Variants in MRPS28 observed in about 807,000 individuals in gnomAD.
MRPS28 encodes the protein small ribosomal subunit protein bS1m.
A neutral mutation model predicts 10.8 loss-of-function variants in MRPS28; 7 were observed. The observed-to-expected ratio is 0.65, with a 90% CI of 0.37 to 1.22. MRPS28 has a LOEUF of 1.22. Among genes scored for constraint, MRPS28 ranks in the 50% most tolerant of loss-of-function variants. The pLI is 0.02. For missense variants in MRPS28, 265 were observed against 232.9 expected (o/e 1.14, Z -0.90); for synonymous variants, 121 against 93.3 (o/e 1.30, Z -1.71).
chr8:79,925,850 G>A (rs1248584457), intron 2 of MRPS28, among the ~76,000 whole-genome samples: 4 of 152,042 alleles, frequency 2.6e-5, no homozygotes, highest in African/African-American at 9.7e-5. Flanking sequence ...AGCTAGGCAT[G>A]GTGGCAGGCG....
At chr8:80,005,328 T>C (rs1322573643) in intron 1 of MRPS28, among the ~76,000 whole-genome samples, 2 of 152,146 alleles carry the variant, frequency 1.3e-5, no homozygotes, top group African/African-American at 4.8e-5. Context: ...TGGGGGCCAA[T>C]ATTCAACATT....
intron 2 of MRPS28, among the ~76,000 whole-genome samples, chr8:79,974,198 G>C (rs1286716969): frequency 1.3e-5 from 2 of 152,070 alleles, no homozygotes; most frequent in African/African-American, 4.8e-5. Context: ...AGAAAGAACA[G>C]TTTATATCAT....
chr8:79,965,123 T>C (rs760004863), intron 2 of MRPS28, among the ~76,000 whole-genome samples: 5 of 152,076 alleles, frequency 3.3e-5, no homozygotes, highest in Non-Finnish European at 7.4e-5. Context: ...TTTAAATCAA[T>C]CTACAGCCTA....
chr8:80,009,761 TG>T (rs1808980232), intron 1 of MRPS28, among the ~76,000 whole-genome samples: 1 of 150,804 alleles, frequency 6.6e-6, no homozygotes, highest in African/African-American at 2.4e-5. Context: ...GAGAATGGGG[TG>T]GGGGGTGGTT....
intron 1 of MRPS28, 111 bp downstream of exon 1, chr8:80,029,925 C>A (rs902038356): frequency 1.2e-5 from 19 of 1,535,078 alleles, no homozygotes; most frequent in Non-Finnish European, 1.5e-5. Context: ...GAAAACTGGG[C>A]CCCGGACCTC....
At chr8:79,933,091 A>T (rs1806508688) in intron 2 of MRPS28, among the ~76,000 whole-genome samples, 1 of 152,110 alleles carries the variant, frequency 6.6e-6, no homozygotes, top group Admixed American at 6.6e-5. Flanking sequence ...AACAATGTGT[A>T]CTCCTACATT....
rs561728448 is a variant in MRPS28 at position 80,001,063 on chromosome 8, C to T, written c.395+1936G>A. On this transcript the variant is annotated intron_variant, in intron 2 of 2. Coordinates refer to ENST00000276585, the MANE Select transcript of MRPS28 (RefSeq NM_014018.3). ...ACTAGTATTTGTAATTTATAATAAA[C>T]TTGACTAAGCAGTTGAACATCTGCT... Among the ~76,000 whole-genome samples, 149 of 152,292 alleles carry T rather than the reference C, an allele frequency of 9.8e-4. 1 individual carries two copies. The highest frequency in any genetic ancestry group is 1.7e-3 in the Admixed American group (26 of 15,292).
At chr8:79,943,913 CA>C (rs905827264) in intron 2 of MRPS28, among the ~76,000 whole-genome samples, 4 of 151,394 alleles carry the variant, frequency 2.6e-5, no homozygotes, top group African/African-American at 9.7e-5. Context: ...GTGATGTGAG[CA>C]AAAAAAACAA....
chr8:79,950,575 C>A (rs1310313965), intron 2 of MRPS28, among the ~76,000 whole-genome samples: 1 of 152,078 alleles, frequency 6.6e-6, no homozygotes, highest in Non-Finnish European at 1.5e-5. Context: ...CACACAAGCA[C>A]AATTACAAAA....
chr8:79,945,422 T>C (rs1031997633), intron 2 of MRPS28, among the ~76,000 whole-genome samples: 27 of 152,132 alleles, frequency 1.8e-4, no homozygotes, highest in Admixed American at 6.5e-5. Flanking sequence ...AAAGAAGATA[T>C]ATTCAACAAA....
intron 2 of MRPS28, among the ~76,000 whole-genome samples, chr8:79,985,374 G>C (rs1050833596): frequency 3.3e-5 from 5 of 152,096 alleles, no homozygotes; most frequent in Non-Finnish European, 7.4e-5. Flanking sequence ...AACTAAAAAA[G>C]CAAGAGCAAA....
At chr8:80,017,804 T>C (rs1809235140) in intron 1 of MRPS28, among the ~76,000 whole-genome samples, 2 of 152,176 alleles carry the variant, frequency 1.3e-5, no homozygotes, top group African/African-American at 4.8e-5. Context: ...TACAGACCAA[T>C]ATTTCTCATG....
In MRPS28 at chr8:79,973,150, A is replaced by G. The variant is rs140643924; in HGVS notation, c.395+29849T>C. On this transcript the variant is annotated intron_variant, in intron 2 of 2. Coordinates refer to ENST00000276585, the MANE Select transcript of MRPS28 (RefSeq NM_014018.3). Reference sequence around the variant, plus strand: ...GGGCTTATGATAAGCAATTTGGGGAACAACAACTTTATACACAATGCAGTC... The same window carrying G: ...GGGCTTATGATAAGCAATTTGGGGAGCAACAACTTTATACACAATGCAGTC... Among the ~76,000 whole-genome samples, 13 of 152,376 alleles carry G rather than the reference A, an allele frequency of 8.5e-5. No individual in the cohort carries two copies. In the East Asian group the frequency reaches 1.7e-3, roughly 20 times the overall value.
chr8:79,982,824 C>T (rs553378272), intron 2 of MRPS28, among the ~76,000 whole-genome samples: 2 of 152,300 alleles, frequency 1.3e-5, no homozygotes, highest in South Asian at 4.1e-4. Context: ...GTAGGCTCCA[C>T]CTCTGGGGGC....
At chr8:79,939,216 G>A (rs1806690933) in intron 2 of MRPS28, among the ~76,000 whole-genome samples, 1 of 152,146 alleles carries the variant, frequency 6.6e-6, no homozygotes, top group South Asian at 2.1e-4. Flanking sequence ...TTTGAAAGCA[G>A]GACCAACACT....
chr8:79,953,255 T>G (rs1586055691), intron 2 of MRPS28, among the ~76,000 whole-genome samples: 1 of 152,296 alleles, frequency 6.6e-6, no homozygotes, highest in East Asian at 1.9e-4. Flanking sequence ...CAGTTCTCAC[T>G]GTTGCTGCAG....
intron 2 of MRPS28, among the ~76,000 whole-genome samples, chr8:79,984,824 T>C (rs964225070): frequency 6.6e-6 from 1 of 152,136 alleles, no homozygotes; most frequent in Non-Finnish European, 1.5e-5. Context: ...TCAATAATAA[T>C]GGGAGACTTT....
intron 2 of MRPS28, among the ~76,000 whole-genome samples, chr8:80,000,090 A>C (rs1808620297): frequency 6.6e-6 from 1 of 152,224 alleles, no homozygotes; most frequent in Admixed American, 6.5e-5. Flanking sequence ...GCAGAGAACT[A>C]GTCTGTCTGG....
At chr8:79,971,436 C>T (rs1037012544) in intron 2 of MRPS28, among the ~76,000 whole-genome samples, 9 of 152,100 alleles carry the variant, frequency 5.9e-5, no homozygotes, top group African/African-American at 2.2e-4. Flanking sequence ...CATTCATCAT[C>T]ACAATTTTTT....
Sources: gnomAD v4.1 joint callset for allele counts (sites outside exome capture counted in the v4.1 genomes callset) on GRCh38, gnomAD v4.1.1 for gene constraint, MANE v1.5 for transcripts, NCBI Gene and HGNC (gene_info 2026-07-23, HGNC 2026-07-21) for gene names.